Variants in SORCS2 observed in about 807,000 individuals in gnomAD.
SORCS2 encodes the protein VPS10 domain-containing receptor SorCS2.
Under a neutral mutation model 141.6 loss-of-function variants are expected in SORCS2, and 100 were observed. The observed-to-expected ratio is 0.71, with a 90% CI of 0.60 to 0.83. The LOEUF (loss-of-function observed/expected upper bound fraction) is 0.83. Among genes scored for constraint, SORCS2 ranks in the 40% least tolerant of loss-of-function variants. The probability of loss-of-function intolerance (pLI) is 0.00; values close to 1 mark genes in which losing one functional copy is unlikely to be tolerated. For synonymous variants in SORCS2, 789 were observed against 676.9 expected, an observed-to-expected ratio of 1.17 and a Z score of -2.57; for missense variants, 1,646 against 1,560.2, an observed-to-expected ratio of 1.05 and a Z score of -0.93.
intron 3 of SORCS2, among the ~76,000 whole-genome samples, chr4:7,633,712 A>G (rs1031722432): frequency 2.6e-5 from 4 of 152,086 alleles, no homozygotes; most frequent in Non-Finnish European, 4.4e-5. Flanking sequence ...CAGAGGTGAA[A>G]AGCAAACAAA....
At chr4:7,313,148 C>T (rs1205720120) in intron 1 of SORCS2, among the ~76,000 whole-genome samples, 1 of 152,254 alleles carries the variant, frequency 6.6e-6, no homozygotes, top group Non-Finnish European at 1.5e-5. Context: ...AAATGAGCTA[C>T]CTCAATGATG....
intron 19 of SORCS2, among the ~76,000 whole-genome samples, chr4:7,724,444 ATGG>A (rs1302646987): frequency 2.8e-5 from 2 of 70,342 alleles, no homozygotes; most frequent in South Asian, 5.6e-4. Flanking sequence ...AATGGTGACA[ATGG>A]TGGTGGTGAT....
At chr4:7,277,661 CG>C (rs112895724) in intron 1 of SORCS2, among the ~76,000 whole-genome samples, 54,227 of 151,990 alleles carry the variant, frequency 0.36, 10,191 homozygotes, top group African/African-American at 0.41. Context: ...CCACTCCCTC[CG>C]GACTCTGAGC....
intron 8 of SORCS2, among the ~76,000 whole-genome samples, chr4:7,668,770 C>A (rs1722641141): frequency 6.6e-6 from 1 of 152,188 alleles, no homozygotes; most frequent in South Asian, 2.1e-4. Flanking sequence ...AGGTGAGGGA[C>A]CTTTTCAGCA....
At chr4:7,291,148 C>T (rs900223723) in intron 1 of SORCS2, among the ~76,000 whole-genome samples, 1 of 151,966 alleles carries the variant, frequency 6.6e-6, no homozygotes, top group Non-Finnish European at 1.5e-5. Context: ...GGCAGAGGCA[C>T]CTGTGACATG....
At position 7,192,830 on chromosome 4, in the gene SORCS2, G is replaced by T. The variant is rs1047348914; in HGVS notation, c.184G>T (p.Ala62Ser). Reference sequence around the variant, plus strand: ...TGAGCCCGGGCGCCTGGGTCCTCACGCCCAACTGACCCGGGTGCCGCGGAG... The same window carrying T: ...TGAGCCCGGGCGCCTGGGTCCTCACTCCCAACTGACCCGGGTGCCGCGGAG... ...SPEPGRLGPHAQLTRVPRSPP... is the reference protein window; with the variant it reads ...SPEPGRLGPHSQLTRVPRSPP... The change falls in exon 1 of 27, where the codon GCC (alanine) becomes TCC (serine). Residue 62 changes from alanine to serine, a missense_variant. Ala to Ser is a moderately conservative substitution (Grantham distance 99, BLOSUM62 1). Transcript: ENST00000507866. This position sits in a 1 kb window ranked among gnomAD's most constrained non-coding sequence, Gnocchi z 4.0. 9.6e-6 allele frequency: 10 copies of T among 1,036,902 alleles called. No homozygotes were observed. The highest frequency in any genetic ancestry group is 1.2e-5 in the Non-Finnish European group (10 of 865,524). The allele number at this position is 1,036,902 out of a possible 1,614,324, so 64.2% of individuals were successfully genotyped here.
chr4:7,253,824 C>T (rs531368659), intron 1 of SORCS2, among the ~76,000 whole-genome samples: 35 of 152,344 alleles, frequency 2.3e-4, no homozygotes, highest in African/African-American at 7.5e-4. Flanking sequence ...CACGGGATTC[C>T]GTGGATGGAA....
intron 2 of SORCS2, among the ~76,000 whole-genome samples, chr4:7,450,536 A>C (rs1215689502): frequency 6.6e-6 from 1 of 152,222 alleles, no homozygotes; most frequent in Non-Finnish European, 1.5e-5. Context: ...CTTGCCCCGC[A>C]GGACTCACCA....
chr4:7,472,792 G>T (rs1028953636), intron 2 of SORCS2, among the ~76,000 whole-genome samples: 1 of 152,174 alleles, frequency 6.6e-6, no homozygotes, highest in Non-Finnish European at 1.5e-5. Context: ...ACTCCCCGCT[G>T]TGAGGCTCCC....
chr4:7,323,111 A>G (rs1196431627), intron 1 of SORCS2, among the ~76,000 whole-genome samples: 1 of 152,234 alleles, frequency 6.6e-6, no homozygotes, highest in Non-Finnish European at 1.5e-5. Flanking sequence ...AATATTATTT[A>G]TGTATTAATA....
intron 2 of SORCS2, among the ~76,000 whole-genome samples, chr4:7,510,233 G>A (rs1239275006): frequency 1.3e-5 from 2 of 152,228 alleles, no homozygotes; most frequent in South Asian, 2.1e-4. Context: ...AGCGGCCGGC[G>A]GGGCTGAGGC....
At chr4:7,715,338 G>A (rs372864178) in intron 17 of SORCS2, 27 bp downstream of exon 17, 3 of 1,610,650 alleles carry the variant, frequency 1.9e-6, no homozygotes, top group Non-Finnish European at 2.5e-6. Context: ...GCCTCTCCCT[G>A]CCTAAATCCG....
chr4:7,267,585 C>G (rs111453047), intron 1 of SORCS2, among the ~76,000 whole-genome samples: 5,575 of 152,288 alleles, frequency 0.037, 348 homozygotes, highest in African/African-American at 0.13. Flanking sequence ...AGTCCCAGCA[C>G]TTTGGGAGGC....
chr4:7,720,832 A>T (rs1726538727), intron 18 of SORCS2, among the ~76,000 whole-genome samples: 1 of 152,256 alleles, frequency 6.6e-6, no homozygotes, highest in South Asian at 2.1e-4. Context: ...TAGCGCCAGC[A>T]TGAAGTACCG....
At chr4:7,264,139 C>T (rs1409347178) in intron 1 of SORCS2, among the ~76,000 whole-genome samples, 2 of 152,200 alleles carry the variant, frequency 1.3e-5, no homozygotes, top group Admixed American at 6.5e-5. Context: ...GCAGTGGAGA[C>T]TGCGGGACTC....
At chr4:7,573,730 C>G (rs1224062419) in intron 3 of SORCS2, among the ~76,000 whole-genome samples, 6 of 152,228 alleles carry the variant, frequency 3.9e-5, no homozygotes, top group African/African-American at 1.4e-4. Flanking sequence ...AATCTTTACA[C>G]AGCACATAGG....
intron 13 of SORCS2, among the ~76,000 whole-genome samples, chr4:7,703,750 G>A (rs1373796557): frequency 2.0e-5 from 3 of 152,228 alleles, no homozygotes; most frequent in African/African-American, 7.2e-5. Flanking sequence ...CCGTCGTGGG[G>A]AAGGGAGGGC....
intron 3 of SORCS2, among the ~76,000 whole-genome samples, chr4:7,549,418 A>G (rs1205483869): frequency 6.6e-6 from 1 of 150,868 alleles, no homozygotes; most frequent in Admixed American, 6.6e-5. Context: ...GTGGTGGGGC[A>G]TTGGGTGGGG....
At chr4:7,285,116 T>C (rs1448968491) in intron 1 of SORCS2, among the ~76,000 whole-genome samples, 2 of 151,546 alleles carry the variant, frequency 1.3e-5, no homozygotes, top group Non-Finnish European at 2.9e-5. Flanking sequence ...CACCGCAACC[T>C]CCACCTCCTG....
Sources: gnomAD v4.1 joint callset for allele counts (sites outside exome capture counted in the v4.1 genomes callset) on GRCh38, gnomAD v4.1.1 for gene constraint, Gnocchi (gnomAD v3.1) non-coding constraint, MANE v1.5 for transcripts, NCBI Gene and HGNC (gene_info 2026-07-23, HGNC 2026-07-21) for gene names.